Variants in PRUNE2 observed in about 807,000 individuals in gnomAD.
PRUNE2 encodes the protein protein prune homolog 2.
PRUNE2 carries 164 observed loss-of-function variants against 252.0 expected under a neutral mutation model. The observed-to-expected ratio is 0.65, with a 90% CI of 0.57 to 0.74. The LOEUF (loss-of-function observed/expected upper bound fraction) is 0.74, where lower values mean the gene tolerates loss of function less well. PRUNE2 is among the 30% of genes least tolerant of loss of function. The pLI is 0.00. For synonymous variants in PRUNE2, 1,292 were observed against 1,350.2 expected, an observed-to-expected ratio of 0.96 and a Z score of 0.94; for missense variants, 3,495 against 3,711.0, an observed-to-expected ratio of 0.94 and a Z score of 1.51.
intron 6 of PRUNE2, chr9:76,823,245 TTC>T (rs1211420511): frequency 6.6e-6 from 1 of 152,320 alleles, no homozygotes; most frequent in African/African-American, 2.4e-5. Flanking sequence ...TTGCTTTTTT[TTC>T]TTTTTTCTTT....
intron 12 of PRUNE2, among the ~76,000 whole-genome samples, chr9:76,644,317 T>C (rs1208182448): frequency 6.6e-6 from 1 of 151,962 alleles, no homozygotes; most frequent in Non-Finnish European, 1.5e-5. Flanking sequence ...CCCCAAAGCT[T>C]CTGAAGAGGA....
chr9:76,788,646 A>G (rs1019847390), intron 6 of PRUNE2: 2 of 612,932 alleles, frequency 3.3e-6, no homozygotes, highest in African/African-American at 3.7e-5. Flanking sequence ...AAATTTGTTC[A>G]TTATCATCAC....
intron 9 of PRUNE2, among the ~76,000 whole-genome samples, chr9:76,695,675 A>C (rs1189855612): frequency 6.6e-6 from 1 of 152,232 alleles, no homozygotes; most frequent in South Asian, 2.1e-4. Flanking sequence ...AAATTATCAC[A>C]GTGTCATTAG....
At chr9:76,806,879 G>T (rs570414501) in intron 6 of PRUNE2, among the ~76,000 whole-genome samples, 2 of 152,094 alleles carry the variant, frequency 1.3e-5, no homozygotes, top group African/African-American at 4.8e-5. Flanking sequence ...GTAATCCTTG[G>T]AAGTAGTTAC....
chr9:76,634,598 A>G (rs939287766), intron 15 of PRUNE2, among the ~76,000 whole-genome samples: 1 of 152,172 alleles, frequency 6.6e-6, no homozygotes, highest in South Asian at 2.1e-4. Context: ...GCTGTACCCA[A>G]TCAAGCTATT....
At chr9:76,849,812 C>T (rs2059858518) in intron 3 of PRUNE2, among the ~76,000 whole-genome samples, 1 of 151,056 alleles carries the variant, frequency 6.6e-6, no homozygotes, top group African/African-American at 2.5e-5. Context: ...GGCGAGAGAT[C>T]GAGACTCTGT....
At chr9:76,776,499 C>CTTTTTTT (rs58566943) in intron 6 of PRUNE2, among the ~76,000 whole-genome samples, 12 of 136,406 alleles carry the variant, frequency 8.8e-5, no homozygotes, top group South Asian at 2.3e-4. Context: ...ACCACATTTT[C>CTTTTTTT]TTTTTTTTTT....
chr9:76,700,273 T>C (rs1254161349), intron 9 of PRUNE2: 2 of 152,220 alleles, frequency 1.3e-5, no homozygotes, highest in Admixed American at 1.3e-4. Flanking sequence ...GTGAGTCATA[T>C]TGCACATACT....
In PRUNE2 at chr9:76,705,763, T is replaced by C. The variant is rs372758600; in HGVS notation, c.6511A>G (p.Ile2171Val). 41 of 1,613,964 alleles carry C rather than the reference T, an allele frequency of 2.5e-5. 1 individual carries two copies. The highest frequency in any genetic ancestry group is 1.6e-4 in the Middle Eastern group (1 of 6,062). Residue 2171 changes from isoleucine (I) to valine (V), a missense_variant, in exon 8 of 19, where the codon ATT (isoleucine) becomes GTT (valine). Coordinates refer to ENST00000376718, the MANE Select transcript of PRUNE2 (RefSeq NM_015225.3). Reference sequence around the variant, plus strand: ...CCCTTTATGTCTGCTTGATAGCCAATTGGAGGCAGCACAGTTGCGTTTTCA... The same window carrying C: ...CCCTTTATGTCTGCTTGATAGCCAACTGGAGGCAGCACAGTTGCGTTTTCA... ...DSENATVLPP[I>V]GYQADIKGSS... is the part of the protein sequence containing the mutation.
rs539707357 is a variant in PRUNE2, at chr9:76,709,757, A to G, written c.2517T>C (p.Ser839=). The G allele has an allele frequency of 9.3e-6, 15 of 1,613,950 alleles. No individual in the cohort carries two copies. The highest frequency in any genetic ancestry group is 4.0e-5 in the African/African-American group (3 of 75,042). ...RDPNEWAMAK[S]GFAFSSSELL... ...GTTCTGAAGAAGAAAAGGCAAACCC[A>G]CTTTTTGCCATGGCCCACTCATTCG... Residue 839 remains serine (S), a synonymous_variant, in exon 8 of 19, where the codon AGT becomes AGC. Coordinates refer to ENST00000376718, the MANE Select transcript of PRUNE2 (RefSeq NM_015225.3).
intron 9 of PRUNE2, among the ~76,000 whole-genome samples, chr9:76,668,700 C>T (rs1346507646): frequency 6.6e-6 from 1 of 151,944 alleles, no homozygotes; most frequent in Non-Finnish European, 1.5e-5. Context: ...GGCCTCCCCA[C>T]TGTACACTTC....
In PRUNE2 at chr9:76,771,226, T is replaced by C. The variant is rs139128603; in HGVS notation, c.756+52406A>G. ...AATTTTGATAACTGGTGATCAAATA[T>C]ATGTTTTTGCATCTTAAATATATTT... On this transcript the variant is annotated intron_variant, in intron 6 of 18. Coordinates refer to ENST00000376718, the MANE Select transcript of PRUNE2 (RefSeq NM_015225.3). Among the ~76,000 whole-genome samples, 405 of 152,308 alleles carry C rather than the reference T, an allele frequency of 2.7e-3. 1 individual carries two copies. The highest frequency in any genetic ancestry group is 9.4e-3 in the African/African-American group (390 of 41,554).
chr9:76,677,829 G>A (rs2042870603), intron 9 of PRUNE2, among the ~76,000 whole-genome samples: 1 of 152,132 alleles, frequency 6.6e-6, no homozygotes, highest in Non-Finnish European at 1.5e-5. Flanking sequence ...ATTCCCCGAG[G>A]TCAGCATATG....
At chr9:76,855,082 A>AAAAAAAAAAATATATATATATAT (rs1490285240) in intron 1 of PRUNE2, among the ~76,000 whole-genome samples, 8 of 109,402 alleles carry the variant, frequency 7.3e-5, no homozygotes, top group African/African-American at 3.1e-4. Flanking sequence ...AAAAAAAAAA[A>AAAAAAAAAAATATATATATATAT]ATATATATAT....
At chr9:76,752,953 C>G (rs538090482) in intron 6 of PRUNE2, among the ~76,000 whole-genome samples, 21 of 152,296 alleles carry the variant, frequency 1.4e-4, no homozygotes, top group African/African-American at 5.1e-4. Flanking sequence ...AAAACTATTG[C>G]TTTTAACCTC....
intron 1 of PRUNE2, among the ~76,000 whole-genome samples, chr9:76,854,937 G>A (rs148217203): frequency 0.012 from 1,755 of 151,162 alleles, 42 homozygotes; most frequent in African/African-American, 0.041. Context: ...GTGGTGGCAC[G>A]TGCCTGTAGT....
chr9:76,893,673 T>C (rs866500436), intron 1 of PRUNE2, among the ~76,000 whole-genome samples: 4 of 152,332 alleles, frequency 2.6e-5, no homozygotes, highest in African/African-American at 7.2e-5. Flanking sequence ...CATGAAAGAA[T>C]TCCACAGAAG....
At chr9:76,652,353 T>C (rs1847736789) in intron 11 of PRUNE2, 130 bp downstream of exon 11, 1 of 697,654 alleles carries the variant, frequency 1.4e-6, no homozygotes, top group African/African-American at 1.8e-5. Context: ...TGGCCACCTA[T>C]AACCTGAAAT....
chr9:76,812,700 A>G lies in PRUNE2; in HGVS notation c.756+10932T>C, dbSNP rs142437475. On this transcript the variant is annotated intron_variant, in intron 6 of 18. Coordinates refer to ENST00000376718, the MANE Select transcript of PRUNE2 (RefSeq NM_015225.3). The stretch of plus-strand genomic sequence containing the variant: ...TGGTAGGCAAATAACAGAAGGATTT[A>G]TAGAAGAGAATGTGACCGGAAGCAA... 3.4e-3 allele frequency among the ~76,000 whole-genome samples: 522 copies of G among 152,312 alleles called. 4 individuals are homozygous for G. Among genetic ancestry groups the G allele is most frequent in the African/African-American group, 0.012 (500 of 41,562 alleles).
Sources: allele counts gnomAD v4.1 joint callset (sites outside exome capture counted in the v4.1 genomes callset), GRCh38; gene constraint gnomAD v4.1.1; transcripts MANE v1.5; gene names NCBI Gene and HGNC (gene_info 2026-07-23, HGNC 2026-07-21).